The following ZC3H12C variants were observed in gnomAD, a reference collection of about 807,000 sequenced individuals.
The protein encoded by ZC3H12C is probable ribonuclease ZC3H12C.
Under a neutral mutation model 76.3 loss-of-function variants are expected in ZC3H12C, and 20 were observed. That is an observed-to-expected ratio of 0.26 (90% confidence interval 0.18 to 0.38). The LOEUF is 0.38. ZC3H12C is among the 10% of genes least tolerant of loss of function. ZC3H12C has a pLI of 1.00. For synonymous variants in ZC3H12C, 352 were observed against 399.6 expected (o/e 0.88, Z 1.42); for missense variants, 874 against 1,086.5 (o/e 0.80, Z 2.75).
chr11:110,129,044 G>T (rs1172110194), intron 1 of ZC3H12C, among the ~76,000 whole-genome samples: 1 of 152,056 alleles, frequency 6.6e-6, no homozygotes, highest in African/African-American at 2.4e-5. Context: ...ATCTTTGATG[G>T]GTTTATGAAA....
chr11:110,126,408 C>G (rs943590664), intron 1 of ZC3H12C, among the ~76,000 whole-genome samples: 4 of 151,520 alleles, frequency 2.6e-5, no homozygotes, highest in Non-Finnish European at 4.4e-5. Flanking sequence ...TTTTGAGATA[C>G]AGGATCTCCC....
intron 4 of ZC3H12C, among the ~76,000 whole-genome samples, chr11:110,162,067 C>T (rs755368671): frequency 4.6e-5 from 7 of 152,090 alleles, no homozygotes; most frequent in East Asian, 1.9e-4. Context: ...CCCAGGGGGG[C>T]GGAGGTTGCA....
intron 3 of ZC3H12C, among the ~76,000 whole-genome samples, chr11:110,154,143 G>A (rs766769297): frequency 2.7e-4 from 41 of 152,136 alleles, no homozygotes; most frequent in Non-Finnish European, 2.9e-4. Context: ...AGGCCGAGGC[G>A]GGAAGATCAC....
intron 1 of ZC3H12C, 28 bp downstream of exon 1, chr11:110,093,460 C>T (rs1861046207): frequency 1.7e-6 from 2 of 1,200,610 alleles, no homozygotes; most frequent in Admixed American, 4.4e-5. Context: ...GGGTGGGGGA[C>T]GCGGACCGCG....
chr11:110,128,151 C>T (rs1177695501), intron 1 of ZC3H12C, among the ~76,000 whole-genome samples: 2 of 151,070 alleles, frequency 1.3e-5, no homozygotes, highest in East Asian at 3.9e-4. Context: ...CATAAGTGTG[C>T]ATTGTGCTCA....
chr11:110,156,783 C>T (rs1029571775), intron 3 of ZC3H12C, among the ~76,000 whole-genome samples: 1 of 152,118 alleles, frequency 6.6e-6, no homozygotes, highest in African/African-American at 2.4e-5. Context: ...TGGCACCTGC[C>T]CTCAAAATGC....
At chr11:110,138,392 G>A (rs1489860952) in intron 2 of ZC3H12C, among the ~76,000 whole-genome samples, 1 of 152,022 alleles carries the variant, frequency 6.6e-6, no homozygotes, top group East Asian at 1.9e-4. Context: ...GAAATACAAT[G>A]CAAACCATGT....
chr11:110,161,914 T>G (rs569229486), intron 4 of ZC3H12C, among the ~76,000 whole-genome samples: 19 of 152,322 alleles, frequency 1.2e-4, no homozygotes, highest in African/African-American at 3.8e-4. Context: ...GTGCATCACC[T>G]GAGGCCAGGA....
chr11:110,136,083 A>G (rs1861953859), intron 1 of ZC3H12C: 1 of 152,208 alleles, frequency 6.6e-6, no homozygotes. Flanking sequence ...GTGCTCTTTC[A>G]TTGCAGTATC....
chr11:110,134,145 C>A (rs1397703066), intron 1 of ZC3H12C, among the ~76,000 whole-genome samples: 1 of 152,068 alleles, frequency 6.6e-6, no homozygotes, highest in Admixed American at 6.6e-5. Context: ...CAGGGGAGAT[C>A]AAAAATGTTG....
chr11:110,164,529 G>T lies in ZC3H12C; in HGVS notation c.1444G>T (p.Val482Phe). Residue 482 changes from valine to phenylalanine, a missense_variant, in exon 6 of 6, where the codon GTC (valine) becomes TTC (phenylalanine). Physicochemically the swap from Val to Phe is conservative, Grantham distance 50 (BLOSUM62 -1). Around this residue, in one of 3 missense-constraint regions of ZC3H12C, gnomAD observed 269 missense variants for 424.9 expected, o/e 0.63. Transcript: ENST00000278590. The surrounding 1 kb of genome is among the most constrained non-coding windows in gnomAD (Gnocchi z 5.7). ...CACCAAGGCTGATAGCACTTCTGAT[G>T]TCAAACGAGGTGCTCCAAAGAGGCA... is the stretch of plus-strand genomic sequence containing the variant. ...CSTKADSTSD[V>F]KRGAPKRQSD... 1.2e-6 allele frequency: 2 copies of T among 1,613,944 alleles called. No individual in the cohort carries two copies. The highest frequency in any genetic ancestry group is 1.7e-6 in the Non-Finnish European group (2 of 1,179,890).
At chr11:110,158,511 G>GAA (rs111478426) in intron 3 of ZC3H12C, among the ~76,000 whole-genome samples, 4 of 143,636 alleles carry the variant, frequency 2.8e-5, no homozygotes, top group African/African-American at 7.6e-5. Flanking sequence ...CTCAGTCACA[G>GAA]AAAAAAAAAA....
At chr11:110,159,624 A>T (rs1029252013) in intron 4 of ZC3H12C, 134 bp downstream of exon 4, 6 of 772,460 alleles carry the variant, frequency 7.8e-6, no homozygotes, top group African/African-American at 7.0e-5. Context: ...CTCCCCACTG[A>T]TCCTCAGTGG....
chr11:110,117,715 CACACACACATATATATAT>C (rs1265325582), intron 1 of ZC3H12C, among the ~76,000 whole-genome samples: 4 of 13,488 alleles, frequency 3.0e-4, no homozygotes, highest in African/African-American at 7.7e-4. Flanking sequence ...TATATATATA[CACACACACATATATATAT>C]ACACACACAT....
intron 2 of ZC3H12C, among the ~76,000 whole-genome samples, chr11:110,146,302 A>G (rs536897618): frequency 2.0e-5 from 3 of 152,138 alleles, no homozygotes; most frequent in Non-Finnish European, 4.4e-5. Context: ...AACTTGTTTT[A>G]ACGGGTCAGG....
intron 2 of ZC3H12C, among the ~76,000 whole-genome samples, chr11:110,146,750 T>C (rs1862179098): frequency 1.3e-5 from 2 of 151,652 alleles, no homozygotes; most frequent in South Asian, 4.2e-4. Flanking sequence ...TCTTTCTACA[T>C]TTTTTTTTCC....
At chr11:110,103,510 T>G (rs1861257056) in intron 1 of ZC3H12C, among the ~76,000 whole-genome samples, 1 of 152,224 alleles carries the variant, frequency 6.6e-6, no homozygotes, top group East Asian at 1.9e-4. Flanking sequence ...TAATTTAGTT[T>G]TGCAACTGTA....
At chr11:110,125,704 C>T (rs1258598447) in intron 1 of ZC3H12C, among the ~76,000 whole-genome samples, 2 of 152,194 alleles carry the variant, frequency 1.3e-5, no homozygotes, top group African/African-American at 2.4e-5. Context: ...GTTACTATCA[C>T]CCCACCTAAG....
At chr11:110,141,103 C>G (rs1201902542) in intron 2 of ZC3H12C, among the ~76,000 whole-genome samples, 2 of 152,022 alleles carry the variant, frequency 1.3e-5, no homozygotes, top group African/African-American at 4.8e-5. Flanking sequence ...CTCAGCCCCG[C>G]AAAGAGTCAT....
Sources: gnomAD v4.1 joint callset for allele counts (sites outside exome capture counted in the v4.1 genomes callset) on GRCh38, gnomAD v4.1.1 for gene constraint, gnomAD v4.1.1 regional missense constraint, Gnocchi (gnomAD v3.1) non-coding constraint, MANE v1.5 for transcripts, NCBI Gene and HGNC (gene_info 2026-07-23, HGNC 2026-07-21) for gene names.